The following MROH2B variants were observed in gnomAD, a reference collection of about 807,000 sequenced individuals.
MROH2B encodes maestro heat like repeat family member 2B.
A neutral mutation model predicts 208.6 loss-of-function variants in MROH2B; 177 were observed. The observed-to-expected ratio is 0.85, with a 90% CI of 0.75 to 0.96. MROH2B has a LOEUF of 0.96. Ranked by LOEUF, MROH2B falls within the 40% of genes least tolerant of loss-of-function variation. The pLI, the probability that MROH2B is intolerant of heterozygous loss-of-function variation, is 0.00. For synonymous variants in MROH2B, 728 were observed against 659.0 expected (o/e 1.10, Z -1.60); for missense variants, 2,002 against 1,878.7 (o/e 1.07, Z -1.21).
intron 39 of MROH2B, 52 bp downstream of exon 39, chr5:41,000,168 G>A: frequency 6.2e-7 from 1 of 1,607,832 alleles, no homozygotes. Context: ...TCTGCGATTT[G>A]TCTAGACCCT....
chr5:41,012,542 A>G, intron 30 of MROH2B, 41 bp downstream of exon 30: 1 of 1,587,584 alleles, frequency 6.3e-7, no homozygotes, highest in Non-Finnish European at 8.6e-7. Flanking sequence ...TTCAGAAGTG[A>G]TAGAAATCTG....
Position 41,004,721 on chromosome 5 carries a change from A to T in MROH2B, c.4011+53T>A, listed in dbSNP as rs868851389. 115 of 1,577,344 alleles carry T rather than the reference A, an allele frequency of 7.3e-5. No homozygotes were observed. The Middle Eastern group carries it at 1.4e-3, about 20-fold the overall frequency. The stretch of plus-strand genomic sequence containing the variant: ...ACAACTAGGCGTGGGTTATTAAATC[A>T]TTATTTCAAAACTCTACTTAAATGA... On this transcript the variant is annotated intron_variant, in intron 36 of 41. Coordinates refer to ENST00000399564, the MANE Select transcript of MROH2B (RefSeq NM_173489.5).
intron 6 of MROH2B, 57 bp downstream of exon 6, chr5:41,061,513 G>A (rs1357746763): frequency 2.9e-6 from 4 of 1,376,660 alleles, no homozygotes; most frequent in Non-Finnish European, 3.8e-6. Flanking sequence ...AAAGAGAAGA[G>A]AAATTTCAAC....
chr5:41,027,580 C>T (rs950382993), intron 24 of MROH2B, among the ~76,000 whole-genome samples: 1 of 152,206 alleles, frequency 6.6e-6, no homozygotes, highest in Non-Finnish European at 1.5e-5. Flanking sequence ...AACACTTTTA[C>T]ACTGTTGGTG....
Position 41,033,124 on chromosome 5 carries a change from T to C in MROH2B, c.2278A>G (p.Thr760Ala), listed in dbSNP as rs760560028. ...TCTTGGACAGCAATGCCAATCTCAG[T>C]GATGCTTCTTGTGAAACTCATTTGC... ...DLQMSFTRSI[T>A]EIGIAVQDAE... The change falls in exon 23 of 42, where the codon ACT (threonine) becomes GCT (alanine). Residue 760 changes from threonine (T) to alanine (A), a missense_variant. Physicochemically the swap from Thr to Ala is moderately conservative, Grantham distance 58. Coordinates refer to ENST00000399564, the MANE Select transcript of MROH2B (RefSeq NM_173489.5). The C allele has an allele frequency of 1.2e-6, 2 of 1,612,978 alleles. No homozygotes were observed. The highest frequency in any genetic ancestry group is 1.7e-5 in the Admixed American group (1 of 59,846).
At chr5:41,028,786 C>G (rs1456723692) in intron 24 of MROH2B, among the ~76,000 whole-genome samples, 1 of 152,052 alleles carries the variant, frequency 6.6e-6, no homozygotes, top group Non-Finnish European at 1.5e-5. Context: ...GTACAGATAA[C>G]TTAAAATTTT....
chr5:41,004,423 G>A lies in MROH2B; in HGVS notation c.4117C>T (p.Leu1373=). Residue 1373 remains leucine (L), a synonymous_variant, in exon 37 of 42, where the codon CTG becomes TTG. Transcript: ENST00000399564. The part of the protein sequence containing the change: ...CESLKALKKI[L]ELLTDRDVSF... ...ACGTCTCGGTCTGTCAGCAGCTCCA[G>A]GATTTTTTTTAGAGCCTTCAAGCTT... 1 of 1,613,956 alleles carries A rather than the reference G, an allele frequency of 6.2e-7. No individual in the cohort carries two copies. The highest frequency in any genetic ancestry group is 8.5e-7 in the Non-Finnish European group (1 of 1,179,874).
At chr5:41,019,802 AT>A (rs1470264672) in intron 24 of MROH2B, among the ~76,000 whole-genome samples, 4 of 152,172 alleles carry the variant, frequency 2.6e-5, no homozygotes, top group African/African-American at 9.6e-5. Flanking sequence ...TCTTGTCTTT[AT>A]TGTCTGGCTC....
intron 33 of MROH2B, among the ~76,000 whole-genome samples, 170 bp from the exon 34 acceptor site, chr5:41,007,624 G>A (rs1269521567): frequency 1.3e-5 from 2 of 152,162 alleles, no homozygotes; most frequent in African/African-American, 2.4e-5. Flanking sequence ...TGGGATCCAT[G>A]GGGACATGCA....
intron 19 of MROH2B, among the ~76,000 whole-genome samples, chr5:41,040,164 G>T (rs982445922): frequency 5.9e-5 from 9 of 152,186 alleles, no homozygotes; most frequent in African/African-American, 1.9e-4. Context: ...TTTTTTTTCA[G>T]CTTGAATTGA....
At chr5:41,048,126 G>T in intron 16 of MROH2B, 198 bp downstream of exon 16, 1 of 568,262 alleles carries the variant, frequency 1.8e-6, no homozygotes, top group Non-Finnish European at 2.8e-6. Context: ...TTACCTACTA[G>T]GTCTTCTTGT....
intron 20 of MROH2B, 87 bp downstream of exon 20, chr5:41,039,361 T>C: frequency 2.6e-6 from 2 of 757,980 alleles, no homozygotes. Context: ...CAGGAGTAAG[T>C]ATAATATAAG....
chr5:41,026,386 C>A (rs1742361172), intron 24 of MROH2B, among the ~76,000 whole-genome samples: 1 of 152,106 alleles, frequency 6.6e-6, no homozygotes, highest in Non-Finnish European at 1.5e-5. Flanking sequence ...TTCTTATACA[C>A]CAATAACAGA....
chr5:41,040,766 C>T (rs998276882), intron 19 of MROH2B, among the ~76,000 whole-genome samples: 7 of 152,048 alleles, frequency 4.6e-5, no homozygotes, highest in African/African-American at 9.7e-5. Context: ...CCTGGGTTCA[C>T]GCGATTCTCT....
chr5:41,059,416 A>G (rs546093200), intron 6 of MROH2B, among the ~76,000 whole-genome samples: 8 of 152,188 alleles, frequency 5.3e-5, no homozygotes, highest in Non-Finnish European at 1.2e-4. Context: ...TTTTCCATGA[A>G]TTTTAATTTC....
intron 5 of MROH2B, among the ~76,000 whole-genome samples, chr5:41,064,203 C>T (rs1302152600): frequency 6.6e-6 from 1 of 152,126 alleles, no homozygotes; most frequent in African/African-American, 2.4e-5. Context: ...ACTGTGTCAC[C>T]ATTTTGGGAA....
intron 17 of MROH2B, among the ~76,000 whole-genome samples, chr5:41,047,069 AT>A (rs62859160): frequency 1.4e-4 from 1 of 7,288 alleles, no homozygotes; most frequent in Admixed American, 1.8e-3. Flanking sequence ...ATGCCTTTTA[AT>A]ATAGAAAACC....
chr5:41,001,451 C>A (rs1284911742), intron 37 of MROH2B, among the ~76,000 whole-genome samples: 1 of 152,106 alleles, frequency 6.6e-6, no homozygotes, highest in Non-Finnish European at 1.5e-5. Context: ...GTGGCTCATG[C>A]CTGTAATCCC....
intron 31 of MROH2B, among the ~76,000 whole-genome samples, 184 bp downstream of exon 31, chr5:41,009,729 ATATATATCT>A (rs1247783275): frequency 6.6e-6 from 1 of 152,218 alleles, no homozygotes; most frequent in African/African-American, 2.4e-5. Flanking sequence ...TATGCAATAC[ATATATATCT>A]TATATATATG....
Sources: allele counts gnomAD v4.1 joint callset (sites outside exome capture counted in the v4.1 genomes callset), GRCh38; gene constraint gnomAD v4.1.1; transcripts MANE v1.5; gene names NCBI Gene and HGNC (gene_info 2026-07-23, HGNC 2026-07-21).